The following TRPM6 variants were observed in gnomAD, a reference collection of about 807,000 sequenced individuals.
The protein encoded by TRPM6 is transient receptor potential cation channel subfamily M member 6, also known as channel kinase 2.
Under a neutral mutation model 247.6 loss-of-function variants are expected in TRPM6, and 111 were observed. The ratio of observed to expected loss-of-function variants is 0.45; its 90% CI spans 0.38 to 0.52. The LOEUF (loss-of-function observed/expected upper bound fraction) is 0.52. TRPM6 is among the 20% of genes least tolerant of loss of function. The pLI is 0.00. For synonymous variants in TRPM6, 892 were observed against 853.8 expected (o/e 1.04, Z -0.78); for missense variants, 2,126 against 2,421.5 (o/e 0.88, Z 2.56).
intron 13 of TRPM6, among the ~76,000 whole-genome samples, chr9:74,810,387 A>AAG (rs1456775654): frequency 5.9e-5 from 9 of 152,296 alleles, no homozygotes; most frequent in South Asian, 4.1e-4. Flanking sequence ...AGACTCACAA[A>AAG]AGCAGCAAGA....
chr9:74,804,637 G>T, intron 14 of TRPM6: 3 of 747,178 alleles, frequency 4.0e-6, no homozygotes, highest in Non-Finnish European at 7.3e-6. Context: ...TGGTCTGAAG[G>T]CATGAAGGTG....
At chr9:74,786,937 G>A (rs1264760503) in intron 20 of TRPM6, among the ~76,000 whole-genome samples, 1 of 152,126 alleles carries the variant, frequency 6.6e-6, no homozygotes, top group Admixed American at 6.5e-5. Context: ...AGTGGCTCAC[G>A]CCTGTAATCC....
chr9:74,818,923 C>G (rs1283154152), intron 9 of TRPM6, among the ~76,000 whole-genome samples: 1 of 151,960 alleles, frequency 6.6e-6, no homozygotes, highest in Non-Finnish European at 1.5e-5. Context: ...TTTGCTCCAG[C>G]CTTCAGATTC....
chr9:74,784,417 G>C lies in TRPM6; in HGVS notation c.2919+1457C>G, dbSNP rs1310181249. Among the ~76,000 whole-genome samples, 7 of 152,210 alleles carry C rather than the reference G, an allele frequency of 4.6e-5. No individual in the cohort carries two copies. The East Asian group carries it at 9.7e-4, about 21-fold the overall frequency. Reference sequence around the variant, plus strand: ...GAATTTGCTTAACCTCCATTTCCTTGTATGTAAATGTGTATAATAATACTA... The same window carrying C: ...GAATTTGCTTAACCTCCATTTCCTTCTATGTAAATGTGTATAATAATACTA... On this transcript the variant is annotated intron_variant, in intron 21 of 38. Transcript: ENST00000360774.
chr9:74,827,236 C>T (rs1490465701), intron 7 of TRPM6: 1 of 152,684 alleles, frequency 6.5e-6, no homozygotes, highest in African/African-American at 2.4e-5. Context: ...TCCATCTATC[C>T]AACCCAAATG....
chr9:74,885,627 A>G (rs187664920), intron 1 of TRPM6, among the ~76,000 whole-genome samples: 1 of 152,378 alleles, frequency 6.6e-6, no homozygotes, highest in Admixed American at 6.5e-5. Context: ...TACAGAAAAT[A>G]GTTGCCATGT....
intron 21 of TRPM6, among the ~76,000 whole-genome samples, chr9:74,783,450 T>C (rs1238630151): frequency 6.6e-6 from 1 of 152,228 alleles, no homozygotes; most frequent in African/African-American, 2.4e-5. Context: ...GCCAGTGGGC[T>C]GTGGTTTGAT....
chr9:74,887,279 G>A, intron 1 of TRPM6: 1 of 1,349,814 alleles, frequency 7.4e-7, no homozygotes, highest in Non-Finnish European at 9.5e-7. Context: ...GGGAACACTG[G>A]GCGCACGGGG....
intron 32 of TRPM6, among the ~76,000 whole-genome samples, chr9:74,742,994 G>T (rs1455082862): frequency 1.3e-5 from 2 of 152,152 alleles, no homozygotes; most frequent in African/African-American, 4.8e-5. Context: ...AGCACGGTGG[G>T]CTGTGGGGAC....
At chr9:74,808,834 T>C (rs906054504) in intron 13 of TRPM6, among the ~76,000 whole-genome samples, 4 of 152,354 alleles carry the variant, frequency 2.6e-5, no homozygotes, top group African/African-American at 9.6e-5. Context: ...ATGAGGCTTA[T>C]GCAGCCACGT....
intron 1 of TRPM6, among the ~76,000 whole-genome samples, chr9:74,875,897 A>C (rs1564062755): frequency 6.6e-6 from 1 of 152,230 alleles, no homozygotes; most frequent in Non-Finnish European, 1.5e-5. Context: ...TACCCTGTAA[A>C]CTTAAGCTTA....
chr9:74,755,122 A>C (rs1385631278), intron 28 of TRPM6, among the ~76,000 whole-genome samples: 3 of 152,216 alleles, frequency 2.0e-5, no homozygotes, highest in Non-Finnish European at 2.9e-5. Context: ...AATACAAGAG[A>C]CTATCTAAAT....
At chr9:74,825,612 T>A (rs180947043) in intron 7 of TRPM6, among the ~76,000 whole-genome samples, 7 of 152,060 alleles carry the variant, frequency 4.6e-5, no homozygotes, top group Admixed American at 2.6e-4. Flanking sequence ...AAATCCTAGG[T>A]TTCAAGGTCT....
intron 13 of TRPM6, 99 bp from the exon 14 acceptor site, chr9:74,808,273 A>ATGTCTACCTTCTT: frequency 3.5e-6 from 5 of 1,439,222 alleles, no homozygotes; most frequent in Non-Finnish European, 4.9e-6. Context: ...GCAAGAAGGT[A>ATGTCTACCTTCTT]GACATACCTT....
intron 1 of TRPM6, among the ~76,000 whole-genome samples, chr9:74,868,474 G>T (rs1774678455): frequency 6.6e-6 from 1 of 151,970 alleles, no homozygotes; most frequent in African/African-American, 2.4e-5. Context: ...CAGCCTGGTC[G>T]ACAGAGCGAG....
At chr9:74,819,698 C>A (rs1011520391) in intron 9 of TRPM6, among the ~76,000 whole-genome samples, 2 of 152,128 alleles carry the variant, frequency 1.3e-5, no homozygotes, top group East Asian at 3.9e-4. Flanking sequence ...TTACTCAGGA[C>A]GCTGTGAGGC....
At chr9:74,798,265 CTT>C (rs67897159) in intron 17 of TRPM6, among the ~76,000 whole-genome samples, 13 of 145,378 alleles carry the variant, frequency 8.9e-5, no homozygotes, top group Non-Finnish European at 1.1e-4. Flanking sequence ...TGTCAACCTT[CTT>C]TTTTTTTTTT....
intron 6 of TRPM6, among the ~76,000 whole-genome samples, chr9:74,830,679 C>G (rs769710119): frequency 3.3e-5 from 5 of 151,016 alleles, no homozygotes; most frequent in Non-Finnish European, 5.9e-5. Flanking sequence ...CAGGTTCAAG[C>G]AATCCTTCCA....
At position 74,812,881 on chromosome 9, in the gene TRPM6, C is replaced by T. The variant is rs11144092; in HGVS notation, c.1309-448G>A. On this transcript the variant is annotated intron_variant, in intron 11 of 38. Transcript: ENST00000360774. ...CTCCAGCCTGGGCAACAGGGCAAGA[C>T]CCTGTCTTGAATGAATGAATGAATG... is the stretch of plus-strand genomic sequence containing the variant. Among the ~76,000 whole-genome samples, 786 of 152,154 alleles carry T rather than the reference C, an allele frequency of 5.2e-3. 5 individuals carry two copies. Among genetic ancestry groups the T allele is most frequent in the Non-Finnish European group, 8.0e-3 (541 of 68,000 alleles).
Sources: gnomAD v4.1 joint callset for allele counts (sites outside exome capture counted in the v4.1 genomes callset) on GRCh38, gnomAD v4.1.1 for gene constraint, MANE v1.5 for transcripts, NCBI Gene and HGNC (gene_info 2026-07-23, HGNC 2026-07-21) for gene names.